GPS1: variants seen among roughly 807,000 people sequenced by gnomAD.
The protein encoded by GPS1 is G protein pathway suppressor 1.
GPS1 carries 11 observed loss-of-function variants against 60.0 expected under a neutral mutation model. That is an observed-to-expected ratio of 0.18 (90% CI 0.12 to 0.30). GPS1 has a LOEUF of 0.30. GPS1 is among the 10% of genes least tolerant of loss of function. The pLI, the probability that GPS1 is intolerant of heterozygous loss-of-function variation, is 1.00. For synonymous variants in GPS1, 343 were observed against 269.8 expected (o/e 1.27, Z -2.66); for missense variants, 543 against 669.2 (o/e 0.81, Z 2.08).
chr17:82,055,291 G>A (rs1227753385), intron 6 of GPS1, 69 bp downstream of exon 6: 6 of 1,454,352 alleles, frequency 4.1e-6, no homozygotes, highest in Middle Eastern at 1.7e-4. Flanking sequence ...GCCCAGGGCA[G>A]TAGGCTGGTC....
chr17:82,056,165 C>A, intron 8 of GPS1, 70 bp downstream of exon 8: 1 of 1,418,388 alleles, frequency 7.1e-7, no homozygotes, highest in Non-Finnish European at 9.9e-7. Flanking sequence ...TTCGGCCTTG[C>A]ATGTCCTGGC....
Position 82,056,916 on chromosome 17 carries a change from G to A in GPS1, c.1331G>A (p.Arg444His), listed in dbSNP as rs371594086. The A allele has an allele frequency of 6.5e-5, 105 of 1,612,820 alleles. No individual in the cohort carries two copies. Among genetic ancestry groups the A allele is most frequent in the East Asian group, 2.2e-5 (1 of 44,892 alleles). The change falls in exon 12 of 13, where the codon CGC becomes CAC. Residue 444 changes from arginine to histidine, a missense_variant. Transcript: ENST00000578552. ...KSLLMGKEFQ[R>H]RAKAMMLRAA... The stretch of plus-strand genomic sequence containing the variant: ...CTGTTGATGGGCAAGGAGTTCCAGC[G>A]CCGCGCCAAGGCCATGATGCTGCGG...
intron 6 of GPS1, 130 bp downstream of exon 6, chr17:82,055,352 C>A: frequency 2.1e-6 from 2 of 970,962 alleles, no homozygotes; most frequent in Non-Finnish European, 3.2e-6. Context: ...ATGTTGTGGG[C>A]ACATGTACAG....
intron 1 of GPS1, chr17:82,052,255 G>GCAGC: frequency 6.2e-7 from 1 of 1,608,780 alleles, no homozygotes; most frequent in African/African-American, 1.3e-5. Flanking sequence ...TCTCCCTTCA[G>GCAGC]CAGCCAGCCA....
rs1377762609 is a variant in GPS1, at chr17:82,056,560, G to A, written c.1116+10G>A. ...CCGTGCCCTCATCCAGGTAAGCGTG[G>A]GGGTCAGGCTGGCACACGGCAGGCG... On this transcript the variant is annotated intron_variant, in intron 10 of 12. Transcript: ENST00000578552. 3 of 1,612,670 alleles carry A rather than the reference G, an allele frequency of 1.9e-6. No individual in the cohort carries two copies. The highest frequency in any genetic ancestry group is 2.5e-6 in the Non-Finnish European group (3 of 1,180,002).
chr17:82,052,507 C>A, intron 1 of GPS1: 1 of 1,576,024 alleles, frequency 6.3e-7, no homozygotes. Context: ...GGGAGCAGGG[C>A]CCCGGCCGCC....
chr17:82,051,386 G>A, upstream of GPS1: 1 of 1,432,628 alleles, frequency 7.0e-7, no homozygotes. This position sits in a 1 kb window ranked among gnomAD's most constrained non-coding sequence, Gnocchi z 4.1. Context: ...CGCTGCCCAG[G>A]CCGGAGACCG....
chr17:82,053,292 C>T lies in GPS1; in HGVS notation c.52C>T (p.Gln18Ter). The T allele has an allele frequency of 1.3e-6, 2 of 1,548,670 alleles. No individual in the cohort carries two copies. The highest frequency in any genetic ancestry group is 1.7e-6 in the Non-Finnish European group (2 of 1,156,312). Residue 18 changes from glutamine (Q) to a stop codon, truncating the protein, a stop_gained, in exon 2 of 13, where the codon CAG becomes TAG. Coordinates refer to ENST00000578552, the MANE Select transcript of GPS1 (RefSeq NM_001321092.3). LOFTEE classifies it high-confidence loss of function. ...FNLQGAVEPMQIDVDPQEDPQ... is the reference protein window; with the variant it reads ...FNLQGAVEPM Reference sequence around the variant, plus strand: ...GTTGCAGGGGGCCGTGGAGCCCATGCAGATCGACGTGGACCCCCAGGAAGA... The same window carrying T: ...GTTGCAGGGGGCCGTGGAGCCCATGTAGATCGACGTGGACCCCCAGGAAGA...
At chr17:82,052,733 C>G (rs753482086) in intron 1 of GPS1, 4 of 484,660 alleles carry the variant, frequency 8.3e-6, no homozygotes, top group Non-Finnish European at 1.5e-5. Context: ...GTCCTGGCTT[C>G]TCTGTGTCTC....
intron 3 of GPS1, 114 bp from the exon 4 acceptor site, chr17:82,054,396 G>T (rs1388465484): frequency 1.5e-6 from 2 of 1,335,104 alleles, no homozygotes; most frequent in Non-Finnish European, 9.9e-7. Context: ...CCAGCGGGAG[G>T]TGCCCACCTG....
intron 6 of GPS1, chr17:82,055,526 C>T (rs1353526316): frequency 3.3e-6 from 2 of 607,270 alleles, no homozygotes; most frequent in Non-Finnish European, 5.8e-6. Flanking sequence ...CCCTGCATGC[C>T]TGGCTTCAGG....
At position 82,053,789 on chromosome 17, in the gene GPS1, C is replaced by T; in HGVS notation, c.127-79C>T. On this transcript the variant is annotated intron_variant, in intron 2 of 12. Coordinates refer to ENST00000578552, the MANE Select transcript of GPS1 (RefSeq NM_001321092.3). ...GACATTCTGGCTAGGACAGTCAGGCCCCAACTCCTGACCCTCAGGGCCTGG... is the reference window on the plus strand; with the variant it reads ...GACATTCTGGCTAGGACAGTCAGGCTCCAACTCCTGACCCTCAGGGCCTGG... 18 of 1,417,090 alleles carry T rather than the reference C, an allele frequency of 1.3e-5. No homozygotes were observed. In the South Asian group the frequency reaches 2.1e-4, roughly 16 times the overall value. The allele number at this position is 1,417,090 out of a possible 1,614,324, so 87.8% of individuals were successfully genotyped here. A position where few individuals can be genotyped will look rare whatever the true frequency, so the allele number is the denominator to read the frequency against.
chr17:82,051,528 C>T (rs1468915003), upstream of GPS1: 2 of 1,398,118 alleles, frequency 1.4e-6, no homozygotes, highest in East Asian at 3.2e-5. This position sits in a 1 kb window ranked among gnomAD's most constrained non-coding sequence, Gnocchi z 4.1. Flanking sequence ...GATCCAGGTG[C>T]GCAGCAGCAG....
Position 82,051,917 on chromosome 17 carries a change from C to T in GPS1, c.-15C>T, listed in dbSNP as rs1377745573. ...CCCGGAAGTGGACGGCACGCCGCGGCGGGGTGGGTGCAAGATGCCGCTGCC... is the reference window on the plus strand; with the variant it reads ...CCCGGAAGTGGACGGCACGCCGCGGTGGGGTGGGTGCAAGATGCCGCTGCC... On this transcript the variant is annotated 5_prime_UTR_variant, in exon 1 of 13. Transcript: ENST00000578552. The surrounding 1 kb of genome is among the most constrained non-coding windows in gnomAD (Gnocchi z 4.1). The T allele has an allele frequency of 2.6e-6, 3 of 1,161,958 alleles. No homozygotes were observed. The highest frequency in any genetic ancestry group is 1.6e-5 in the African/African-American group (1 of 61,124). The allele number at this position is 1,161,958 out of a possible 1,614,324, so 72.0% of individuals were successfully genotyped here.
At position 82,055,131 on chromosome 17, in the gene GPS1, T is replaced by C. The variant is rs770112649; in HGVS notation, c.688-31T>C. On this transcript the variant is annotated intron_variant, in intron 5 of 12. Coordinates refer to ENST00000578552, the MANE Select transcript of GPS1 (RefSeq NM_001321092.3). ...ATCGAGCTCTAGGAAATGTGGAGCATGGGCCTCACGCATGTGGCTTCCTCC... is the reference window on the plus strand; with the variant it reads ...ATCGAGCTCTAGGAAATGTGGAGCACGGGCCTCACGCATGTGGCTTCCTCC... 1.6e-5 allele frequency: 25 copies of C among 1,563,358 alleles called. 1 individual carries two copies. In the Admixed American group the frequency reaches 3.4e-4, roughly 21 times the overall value.
intron 5 of GPS1, 24 bp from the exon 6 acceptor site, chr17:82,055,138 C>T: frequency 1.3e-6 from 2 of 1,563,540 alleles, no homozygotes; most frequent in South Asian, 1.2e-5. Context: ...GCATGGGCCT[C>T]ACGCATGTGG....
At chr17:82,050,987 C>T, upstream of GPS1, 1 of 1,425,326 alleles carries the variant, frequency 7.0e-7, no homozygotes, top group Non-Finnish European at 9.1e-7. Context: ...TGAGTGGAAA[C>T]AGGACGGAGG....
rs778863718 is a variant in GPS1, at chr17:82,056,030, C to T, written c.864C>T (p.Tyr288=). Residue 288 remains tyrosine (Y), a synonymous_variant, in exon 8 of 13, where the codon TAC becomes TAT. Coordinates refer to ENST00000578552, the MANE Select transcript of GPS1 (RefSeq NM_001321092.3). The part of the protein sequence containing the change: ...ELLSPSNVAI[Y]GGLCALATFD... ...TGTCCCCCAGCAACGTGGCCATCTA[C>T]GGTGGCCTGTGCGCCTTGGCTACCT... The T allele has an allele frequency of 1.2e-4, 187 of 1,611,930 alleles. No homozygotes were observed. The highest frequency in any genetic ancestry group is 1.4e-4 in the Non-Finnish European group (167 of 1,179,258).
In GPS1 at chr17:82,051,919, G is replaced by T; in HGVS notation, c.-13G>T. 1 of 1,164,116 alleles carries T rather than the reference G, an allele frequency of 8.6e-7. No homozygotes were observed. The highest frequency in any genetic ancestry group is 3.9e-5 in the South Asian group (1 of 25,436). 72.1% of individuals were successfully genotyped at this position (1,164,116 alleles called of 1,614,324 possible). Reference sequence around the variant, plus strand: ...CGGAAGTGGACGGCACGCCGCGGCGGGGTGGGTGCAAGATGCCGCTGCCGG... The same window carrying T: ...CGGAAGTGGACGGCACGCCGCGGCGTGGTGGGTGCAAGATGCCGCTGCCGG... On this transcript the variant is annotated 5_prime_UTR_variant, in exon 1 of 13. Coordinates refer to ENST00000578552, the MANE Select transcript of GPS1 (RefSeq NM_001321092.3). The surrounding 1 kb of genome is among the most constrained non-coding windows in gnomAD (Gnocchi z 4.1).
Sources: gnomAD v4.1 joint callset for allele counts on GRCh38, gnomAD v4.1.1 for gene constraint, Gnocchi (gnomAD v3.1) non-coding constraint, MANE v1.5 for transcripts, NCBI Gene and HGNC (gene_info 2026-07-23, HGNC 2026-07-21) for gene names.